FBXL20: variants seen among roughly 807,000 people sequenced by gnomAD.
The protein encoded by FBXL20 is F-box/LRR-repeat protein 20.
In FBXL20, 11 loss-of-function variants were observed where a neutral mutation model predicts 64.0. The ratio of observed to expected loss-of-function variants is 0.17; its 90% confidence interval spans 0.11 to 0.28. The LOEUF (loss-of-function observed/expected upper bound fraction) is 0.28. Among genes scored for constraint, FBXL20 ranks in the 10% least tolerant of loss-of-function variants. FBXL20 has a pLI of 1.00. For synonymous variants in FBXL20, 184 were observed against 189.0 expected (o/e 0.97, Z 0.22); for missense variants, 303 against 526.2 (o/e 0.58, Z 4.15).
chr17:39,363,717 G>A (rs1282206683), intron 1 of FBXL20, among the ~76,000 whole-genome samples: 8 of 149,250 alleles, frequency 5.4e-5, no homozygotes, highest in African/African-American at 2.0e-4. Context: ...AGGAAGAGGT[G>A]AGAGGATTGC....
chr17:39,297,232 T>C (rs594794), intron 5 of FBXL20, 37 bp from the exon 6 acceptor site: 238,915 of 1,342,048 alleles, frequency 0.18, 22,768 homozygotes, highest in African/African-American at 0.37. Flanking sequence ...TCAAATGAAA[T>C]AGGCCAAATT....
chr17:39,398,636 T>C (rs1449255206), intron 1 of FBXL20, among the ~76,000 whole-genome samples: 1 of 152,086 alleles, frequency 6.6e-6, no homozygotes, highest in Admixed American at 6.6e-5. Context: ...TTCCACAGGA[T>C]GCTACACATC....
intron 2 of FBXL20, among the ~76,000 whole-genome samples, chr17:39,335,837 A>C (rs894435679): frequency 6.6e-6 from 1 of 152,140 alleles, no homozygotes; most frequent in African/African-American, 2.4e-5. Context: ...GAAGGAAGAG[A>C]ATCAGTATAA....
At chr17:39,303,146 T>C (rs373486347) in intron 3 of FBXL20, among the ~76,000 whole-genome samples, 2 of 152,066 alleles carry the variant, frequency 1.3e-5, no homozygotes, top group East Asian at 1.9e-4. Flanking sequence ...TCATGTAAAG[T>C]TTCTTCATGT....
At chr17:39,300,752 T>C (rs957241464) in intron 4 of FBXL20, among the ~76,000 whole-genome samples, 15 of 152,182 alleles carry the variant, frequency 9.9e-5, no homozygotes, top group Non-Finnish European at 1.8e-4. Context: ...TTAGTCCTAT[T>C]TCAAGACCAA....
At chr17:39,377,632 C>G (rs1350157104) in intron 1 of FBXL20, among the ~76,000 whole-genome samples, 1 of 151,966 alleles carries the variant, frequency 6.6e-6, no homozygotes, top group African/African-American at 2.4e-5. Context: ...TCCTGAGTAG[C>G]TGGGACTACA....
At chr17:39,310,618 C>T (rs2047226217) in intron 2 of FBXL20, among the ~76,000 whole-genome samples, 1 of 151,788 alleles carries the variant, frequency 6.6e-6, no homozygotes. Flanking sequence ...GAGGCTAAGG[C>T]AAGGAGGATT....
Position 39,328,485 on chromosome 17 carries a change from T to C in FBXL20, c.104+14695A>G, listed in dbSNP as rs546259185. Among the ~76,000 whole-genome samples, 40 of 152,186 alleles carry C rather than the reference T, an allele frequency of 2.6e-4. 1 individual carries two copies. The South Asian group carries it at 7.9e-3, about 30-fold the overall frequency. ...GGAAGGGGATCCCACTGGCTAAATC[T>C]GAAACAGTTTGAGCATCAAAATAAT... is the stretch of plus-strand genomic sequence containing the variant. On this transcript the variant is annotated intron_variant, in intron 2 of 14. Transcript: ENST00000264658.
At chr17:39,397,578 T>C (rs2048196111) in intron 1 of FBXL20, among the ~76,000 whole-genome samples, 1 of 152,174 alleles carries the variant, frequency 6.6e-6, no homozygotes, top group Admixed American at 6.6e-5. Context: ...GAAGCAAATC[T>C]AAGCTTAGAT....
chr17:39,273,307 C>A (rs2046863125), intron 10 of FBXL20, among the ~76,000 whole-genome samples: 1 of 152,122 alleles, frequency 6.6e-6, no homozygotes, highest in Non-Finnish European at 1.5e-5. Flanking sequence ...TGAGCCACTG[C>A]GCCTGGCCAC....
intron 2 of FBXL20, among the ~76,000 whole-genome samples, chr17:39,325,380 T>C (rs879182774): frequency 6.6e-6 from 1 of 152,178 alleles, no homozygotes; most frequent in Non-Finnish European, 1.5e-5. Flanking sequence ...AAACATAAAA[T>C]TGGTTTCACT....
At chr17:39,287,968 CTTTTTT>C (rs34161800) in intron 6 of FBXL20, among the ~76,000 whole-genome samples, 8 of 123,854 alleles carry the variant, frequency 6.5e-5, no homozygotes, top group African/African-American at 1.6e-4. Context: ...GTAATGAAAA[CTTTTTT>C]TTTTTTTTTT....
chr17:39,373,759 CAT>C (rs2047939942), intron 1 of FBXL20, among the ~76,000 whole-genome samples: 1 of 152,174 alleles, frequency 6.6e-6, no homozygotes, highest in Non-Finnish European at 1.5e-5. Context: ...GTAGATTAAA[CAT>C]AGTGCCTTAC....
At chr17:39,314,212 A>T (rs1286120114) in intron 2 of FBXL20, among the ~76,000 whole-genome samples, 2 of 152,130 alleles carry the variant, frequency 1.3e-5, no homozygotes, top group Non-Finnish European at 2.9e-5. Context: ...GTTGGCTTTC[A>T]CTTAGCACAT....
At position 39,258,556 on chromosome 17, in the gene FBXL20, C is replaced by G. The variant is rs2046714868; in HGVS notation, c.*2904G>C. On this transcript the variant is annotated 3_prime_UTR_variant, in exon 15 of 15. Coordinates refer to ENST00000264658, the MANE Select transcript of FBXL20 (RefSeq NM_032875.3). ...ATAGCAGAGATCACCAGAGCAAGTCCCCATGGACCTGCCTGTGGGTATATC... is the reference window on the plus strand; with the variant it reads ...ATAGCAGAGATCACCAGAGCAAGTCGCCATGGACCTGCCTGTGGGTATATC... 1 of 152,214 alleles carries G rather than the reference C, an allele frequency of 6.6e-6. No homozygotes were observed. Among genetic ancestry groups the G allele is most frequent in the Non-Finnish European group, 1.5e-5 (1 of 68,042 alleles). 9.4% of individuals were successfully genotyped at this position (152,214 alleles called of 1,614,324 possible).
intron 2 of FBXL20, among the ~76,000 whole-genome samples, chr17:39,333,088 T>A (rs553456715): frequency 1.3e-5 from 2 of 151,790 alleles, no homozygotes; most frequent in South Asian, 4.2e-4. Flanking sequence ...TAGGCCTGAG[T>A]CACACCTGGC....
At chr17:39,344,210 G>A (rs2047610182) in intron 1 of FBXL20, among the ~76,000 whole-genome samples, 1 of 151,918 alleles carries the variant, frequency 6.6e-6, no homozygotes, top group African/African-American at 2.4e-5. Flanking sequence ...AATGAACCAG[G>A]CGTGGTGGTG....
At chr17:39,283,839 T>C (rs899324508) in intron 7 of FBXL20, among the ~76,000 whole-genome samples, 5 of 152,214 alleles carry the variant, frequency 3.3e-5, no homozygotes, top group African/African-American at 1.2e-4. Context: ...AAGTTTTCTA[T>C]AATATTCTTC....
At chr17:39,328,926 T>C (rs1178229565) in intron 2 of FBXL20, among the ~76,000 whole-genome samples, 1 of 152,108 alleles carries the variant, frequency 6.6e-6, no homozygotes, top group Non-Finnish European at 1.5e-5. Context: ...TGGTGAGGCA[T>C]GCCTGTAATC....
Sources: gnomAD v4.1 joint callset for allele counts (sites outside exome capture counted in the v4.1 genomes callset) on GRCh38, gnomAD v4.1.1 for gene constraint, MANE v1.5 for transcripts, NCBI Gene and HGNC (gene_info 2026-07-23, HGNC 2026-07-21) for gene names.